The following GAD2 variants were observed in gnomAD, a reference collection of about 807,000 sequenced individuals.
GAD2 encodes the protein glutamate decarboxylase 2, also known as 65 kDa glutamic acid decarboxylase.
In GAD2, 22 loss-of-function variants were observed where a neutral mutation model predicts 80.1. The ratio of observed to expected loss-of-function variants is 0.27; its 90% CI spans 0.20 to 0.39. The LOEUF (loss-of-function observed/expected upper bound fraction) is 0.39, where lower values mean the gene tolerates loss of function less well. Among genes scored for constraint, GAD2 ranks in the 10% least tolerant of loss-of-function variants. The pLI, the probability that GAD2 is intolerant of heterozygous loss-of-function variation, is 1.00. For synonymous variants in GAD2, 274 were observed against 256.9 expected, an observed-to-expected ratio of 1.07 and a Z score of -0.64; for missense variants, 624 against 738.4, an observed-to-expected ratio of 0.85 and a Z score of 1.80.
intron 8 of GAD2, among the ~76,000 whole-genome samples, chr10:26,262,850 C>T: frequency 6.9e-6 from 1 of 145,974 alleles, no homozygotes; most frequent in Non-Finnish European, 1.5e-5. Context: ...TATCATAATC[C>T]TTTTTTTTTT....
At chr10:26,242,563 A>G (rs1366713184) in intron 7 of GAD2, among the ~76,000 whole-genome samples, 1 of 152,094 alleles carries the variant, frequency 6.6e-6, no homozygotes, top group African/African-American at 2.4e-5. Context: ...CTCTCCATGG[A>G]TTCCTTTCTA....
At chr10:26,279,457 C>T (rs1845248608) in intron 11 of GAD2, among the ~76,000 whole-genome samples, 1 of 152,114 alleles carries the variant, frequency 6.6e-6, no homozygotes, top group Non-Finnish European at 1.5e-5. Context: ...GTAGCTGGGG[C>T]TCACCCCAGG....
chr10:26,223,814 G>A (rs8190614), intron 4 of GAD2, 73 bp from the exon 5 acceptor site: 3 of 963,610 alleles, frequency 3.1e-6, no homozygotes, highest in Non-Finnish European at 4.9e-6. Flanking sequence ...CCTTTAGCTA[G>A]AGAAATCATG....
At chr10:26,218,044 C>G in intron 3 of GAD2, 53 bp downstream of exon 3, 1 of 1,517,088 alleles carries the variant, frequency 6.6e-7, no homozygotes. Context: ...CTCTGCCCCG[C>G]CCACCGCGGC....
At chr10:26,251,489 G>A (rs1315167622) in intron 8 of GAD2, among the ~76,000 whole-genome samples, 3 of 152,182 alleles carry the variant, frequency 2.0e-5, no homozygotes, top group South Asian at 2.1e-4. Flanking sequence ...TCAATGTGTT[G>A]ACAAATGTAA....
intron 11 of GAD2, among the ~76,000 whole-genome samples, chr10:26,276,731 G>A (rs894080868): frequency 1.3e-5 from 2 of 152,164 alleles, no homozygotes; most frequent in East Asian, 1.9e-4. Flanking sequence ...CTGCCCACAG[G>A]CTGCTGCTTA....
At chr10:26,276,295 C>T (rs1215064798) in intron 11 of GAD2, among the ~76,000 whole-genome samples, 2 of 152,272 alleles carry the variant, frequency 1.3e-5, no homozygotes, top group East Asian at 3.9e-4. Context: ...GTCAGAATGT[C>T]GAGAGATGGT....
chr10:26,296,088 G>A (rs1017836129), intron 15 of GAD2, among the ~76,000 whole-genome samples: 4 of 152,052 alleles, frequency 2.6e-5, no homozygotes, highest in Admixed American at 2.0e-4. Flanking sequence ...AGTAGATTCC[G>A]TGTCTGCTGG....
chr10:26,260,452 A>G (rs1293249291), intron 8 of GAD2, among the ~76,000 whole-genome samples: 5 of 152,128 alleles, frequency 3.3e-5, no homozygotes, highest in African/African-American at 1.2e-4. Flanking sequence ...AACATGGTGA[A>G]ACCCCATCTC....
rs759513504 is a variant in GAD2 at position 26,219,078 on chromosome 10, T to G, written c.322T>G (p.Leu108Val). 1.9e-6 allele frequency: 3 copies of G among 1,600,316 alleles called. No individual in the cohort carries two copies. Among genetic ancestry groups the G allele is most frequent in the Non-Finnish European group, 2.6e-6 (3 of 1,173,332 alleles). The change falls in exon 4 of 16, where the codon TTG (leucine) becomes GTG (valine). Residue 108 changes from leucine (L) to valine (V), a missense_variant. Leu to Val is a conservative substitution (Grantham distance 32). Coordinates refer to ENST00000376261, the MANE Select transcript of GAD2 (RefSeq NM_001134366.2). Reference protein sequence around the residue: ...LPACDGERPTLAFLQDVMNIL... With the variant: ...LPACDGERPTVAFLQDVMNIL... Reference sequence around the variant, plus strand: ...GGCGTGTGATGGAGAAAGGCCCACTTTGGCGTTTCTGCAAGATGTTATGAA... The same window carrying G: ...GGCGTGTGATGGAGAAAGGCCCACTGTGGCGTTTCTGCAAGATGTTATGAA...
chr10:26,236,010 C>T (rs1327493518), intron 7 of GAD2, among the ~76,000 whole-genome samples: 2 of 152,236 alleles, frequency 1.3e-5, no homozygotes, highest in African/African-American at 4.8e-5. Flanking sequence ...CAAGCCTGGC[C>T]CACACCCACA....
chr10:26,216,736 C>T, upstream of GAD2: 1 of 1,346,540 alleles, frequency 7.4e-7, no homozygotes, highest in South Asian at 1.3e-5. The surrounding 1 kb of genome is among the most constrained non-coding windows in gnomAD (Gnocchi z 4.7). Context: ...CACGCACGCG[C>T]GCGCAGGGCC....
At chr10:26,257,765 C>A (rs757928897) in intron 8 of GAD2, among the ~76,000 whole-genome samples, 1 of 152,336 alleles carries the variant, frequency 6.6e-6, no homozygotes, top group South Asian at 2.1e-4. Flanking sequence ...CACACTTTAT[C>A]ATACAATTGA....
rs748110324 is a variant in GAD2 at position 26,218,551 on chromosome 10, T to TCTCTCTCTCTCA, written c.287-491_287-490insTCTCTCTCTCAC. On this transcript the variant is annotated intron_variant, in intron 3 of 15. Transcript: ENST00000376261. ...CATGCATACGCTCTCTCTCTCTCTC[T>TCTCTCTCTCTCA]CACACACACACACACACACACACAC... is the stretch of plus-strand genomic sequence containing the variant. Among the ~76,000 whole-genome samples, 99 of 118,860 alleles carry TCTCTCTCTCTCA rather than the reference T, an allele frequency of 8.3e-4. 1 individual carries two copies. The highest frequency in any genetic ancestry group is 2.8e-3 in the African/African-American group (92 of 32,334). The allele number at this position is 118,860 out of a possible 152,430, so 78.0% of individuals were successfully genotyped here.
At position 26,216,809 on chromosome 10, in the gene GAD2, G is replaced by C; in HGVS notation, c.-1G>C. On this transcript the variant is annotated 5_prime_UTR_variant, in exon 1 of 16. Coordinates refer to ENST00000376261, the MANE Select transcript of GAD2 (RefSeq NM_001134366.2). This position sits in a 1 kb window ranked among gnomAD's most constrained non-coding sequence, Gnocchi z 4.7. The stretch of plus-strand genomic sequence containing the variant: ...GCGACCTGCTCCAGTCTCCAAAGCC[G>C]ATGGCATCTCCGGGCTCTGGCTTTT... 1 of 1,611,956 alleles carries C rather than the reference G, an allele frequency of 6.2e-7. No homozygotes were observed. Among genetic ancestry groups the C allele is most frequent in the Non-Finnish European group, 8.5e-7 (1 of 1,179,182 alleles).
intron 4 of GAD2, among the ~76,000 whole-genome samples, chr10:26,220,831 T>C (rs1035680259): frequency 3.3e-5 from 5 of 152,220 alleles, no homozygotes; most frequent in African/African-American, 1.2e-4. Flanking sequence ...GTTAAGATAA[T>C]GGGAACTGCA....
chr10:26,271,136 T>G (rs892350145), intron 10 of GAD2, among the ~76,000 whole-genome samples: 2 of 152,126 alleles, frequency 1.3e-5, no homozygotes, highest in Non-Finnish European at 2.9e-5. Flanking sequence ...GGAGTTGCAT[T>G]TATGTAGGAA....
chr10:26,295,503 C>T (rs116521052), intron 15 of GAD2, among the ~76,000 whole-genome samples: 1,530 of 141,418 alleles, frequency 0.011, 28 homozygotes, highest in African/African-American at 0.036. Flanking sequence ...AATATTCATA[C>T]GCATGCACAC....
At chr10:26,245,861 A>G (rs376344281) in intron 7 of GAD2, 60 bp from the exon 8 acceptor site, 6 of 1,283,136 alleles carry the variant, frequency 4.7e-6, no homozygotes, top group Non-Finnish European at 5.6e-6. Flanking sequence ...ACAAACAGCC[A>G]GTGGAATGGA....
Sources: gnomAD v4.1 joint callset for allele counts (sites outside exome capture counted in the v4.1 genomes callset) on GRCh38, gnomAD v4.1.1 for gene constraint, Gnocchi (gnomAD v3.1) non-coding constraint, MANE v1.5 for transcripts, NCBI Gene and HGNC (gene_info 2026-07-23, HGNC 2026-07-21) for gene names.